Variants in CSMD1 observed in about 807,000 individuals in gnomAD.
CSMD1 encodes CUB and sushi domain-containing protein 1.
A neutral mutation model predicts 417.5 loss-of-function variants in CSMD1; 213 were observed. That is an observed-to-expected ratio of 0.51 (90% CI 0.46 to 0.57). CSMD1 has a LOEUF of 0.57. Among genes scored for constraint, CSMD1 ranks in the 20% least tolerant of loss-of-function variants. The pLI is 0.00. For missense variants in CSMD1, 6,923 were observed against 4,529.7 expected, an observed-to-expected ratio of 1.53 and a Z score of -15.17; for synonymous variants, 2,862 against 1,736.8, an observed-to-expected ratio of 1.65 and a Z score of -16.11.
At chr8:3,094,840 A>G (rs1158380061) in intron 47 of CSMD1, among the ~76,000 whole-genome samples, 1 of 151,920 alleles carries the variant, frequency 6.6e-6, no homozygotes, top group Non-Finnish European at 1.5e-5. Flanking sequence ...AAAGAGACAG[A>G]AAGATATGAA....
At chr8:3,754,279 A>G (rs1797531656) in intron 5 of CSMD1, among the ~76,000 whole-genome samples, 1 of 152,158 alleles carries the variant, frequency 6.6e-6, no homozygotes, top group Non-Finnish European at 1.5e-5. Flanking sequence ...TGATACTTTC[A>G]TTCTCCTTTA....
At position 4,193,816 on chromosome 8, in the gene CSMD1, G is replaced by C. The variant is rs112783793; in HGVS notation, c.416-161717C>G. ...GAAGGATGCTATGGCGAGAAGAGCAGGAAAACAGAATACAGTTCAGCCGTG... is the reference window on the plus strand; with the variant it reads ...GAAGGATGCTATGGCGAGAAGAGCACGAAAACAGAATACAGTTCAGCCGTG... On this transcript the variant is annotated intron_variant, in intron 3 of 69. Coordinates refer to ENST00000635120, the MANE Select transcript of CSMD1 (RefSeq NM_033225.6). Among the ~76,000 whole-genome samples the C allele has an allele frequency of 4.3e-3, 647 of 152,118 alleles. 1 individual carries two copies. The highest frequency in any genetic ancestry group is 0.01 in the Middle Eastern group (3 of 294).
At chr8:3,589,433 C>G (rs1289185003) in intron 8 of CSMD1, among the ~76,000 whole-genome samples, 1 of 151,684 alleles carries the variant, frequency 6.6e-6, no homozygotes, top group African/African-American at 2.4e-5. Flanking sequence ...CAATGGAATA[C>G]TATTCAGCCT....
At chr8:3,517,358 A>G (rs1241037159) in intron 10 of CSMD1, among the ~76,000 whole-genome samples, 1 of 152,204 alleles carries the variant, frequency 6.6e-6, no homozygotes, top group East Asian at 1.9e-4. Context: ...GCAAAACTAT[A>G]GTGGTGTTAT....
chr8:4,631,582 T>C (rs1376055707), intron 2 of CSMD1, among the ~76,000 whole-genome samples: 2 of 152,206 alleles, frequency 1.3e-5, no homozygotes, highest in Non-Finnish European at 2.9e-5. Flanking sequence ...TCACCAGATA[T>C]ATTTTATGTT....
At chr8:3,303,279 A>G (rs1299528038) in intron 25 of CSMD1, among the ~76,000 whole-genome samples, 1 of 152,114 alleles carries the variant, frequency 6.6e-6, no homozygotes, top group Non-Finnish European at 1.5e-5. Flanking sequence ...TGTATTTCCT[A>G]CTGGGATCTG....
At chr8:4,177,344 G>C (rs1002915571) in intron 3 of CSMD1, among the ~76,000 whole-genome samples, 1 of 151,902 alleles carries the variant, frequency 6.6e-6, no homozygotes, top group Non-Finnish European at 1.5e-5. Context: ...GGTACATAAC[G>C]AAATGACGGC....
chr8:4,355,216 C>A (rs942952196), intron 3 of CSMD1, among the ~76,000 whole-genome samples: 4 of 151,776 alleles, frequency 2.6e-5, no homozygotes, highest in African/African-American at 7.3e-5. Context: ...GATCCGAGAT[C>A]GCGCCACTGC....
At chr8:3,636,275 C>T (rs1227351485) in intron 7 of CSMD1, among the ~76,000 whole-genome samples, 1 of 152,174 alleles carries the variant, frequency 6.6e-6, no homozygotes, top group African/African-American at 2.4e-5. Flanking sequence ...TCTGGAATCC[C>T]TCCTGAAGGC....
intron 30 of CSMD1, among the ~76,000 whole-genome samples, chr8:3,209,272 T>G (rs1797467172): frequency 7.9e-6 from 1 of 126,900 alleles, no homozygotes; most frequent in Non-Finnish European, 1.6e-5. Flanking sequence ...GGATAGAATT[T>G]TTATTTATTT....
intron 5 of CSMD1, 22 bp from the exon 6 acceptor site, chr8:3,754,064 A>C: frequency 6.5e-7 from 1 of 1,540,840 alleles, no homozygotes; most frequent in Non-Finnish European, 9.0e-7. Context: ...AAAGAGGAAA[A>C]AAATCTCCCT....
intron 26 of CSMD1, among the ~76,000 whole-genome samples, chr8:3,270,800 G>C (rs1046505499): frequency 6.6e-6 from 1 of 152,182 alleles, no homozygotes; most frequent in African/African-American, 2.4e-5. Context: ...ACATACCCAA[G>C]ACTGGGTAAT....
At chr8:3,323,060 C>T (rs1806258845) in intron 23 of CSMD1, among the ~76,000 whole-genome samples, 1 of 152,170 alleles carries the variant, frequency 6.6e-6, no homozygotes, top group Non-Finnish European at 1.5e-5. Context: ...TCATCACTGT[C>T]CTATAAATTA....
intron 3 of CSMD1, among the ~76,000 whole-genome samples, chr8:4,232,809 G>A (rs965775628): frequency 4.6e-5 from 7 of 152,096 alleles, no homozygotes; most frequent in African/African-American, 1.2e-4. Flanking sequence ...CAGGTGCCTC[G>A]AAATCTAAAA....
chr8:4,909,082 G>A (rs749502788), intron 1 of CSMD1, among the ~76,000 whole-genome samples: 1 of 152,196 alleles, frequency 6.6e-6, no homozygotes, highest in Non-Finnish European at 1.5e-5. Flanking sequence ...CGGACTAGGA[G>A]TTGGATTATG....
At chr8:3,484,549 A>T (rs889161931) in intron 11 of CSMD1, among the ~76,000 whole-genome samples, 1 of 152,250 alleles carries the variant, frequency 6.6e-6, no homozygotes, top group Non-Finnish European at 1.5e-5. Context: ...TAGAGTTGAC[A>T]GCAAAAGCAC....
intron 5 of CSMD1, among the ~76,000 whole-genome samples, chr8:3,865,932 T>C (rs921114795): frequency 1.3e-5 from 2 of 152,200 alleles, no homozygotes; most frequent in East Asian, 3.9e-4. Context: ...ACTCCTCATG[T>C]TTCCCTCGTG....
chr8:4,119,699 G>C lies in CSMD1; in HGVS notation c.416-87600C>G, dbSNP rs139738811. Among the ~76,000 whole-genome samples, 566 of 152,334 alleles carry C rather than the reference G, an allele frequency of 3.7e-3. 4 individuals carry two copies. The highest frequency in any genetic ancestry group is 0.013 in the African/African-American group (540 of 41,568). ...GGAAGAGAGTCCTCCCAGAACCACA[G>C]TGGGCTGGCAGTCTGATCACAAACT... On this transcript the variant is annotated intron_variant, in intron 3 of 69. Coordinates refer to ENST00000635120, the MANE Select transcript of CSMD1 (RefSeq NM_033225.6).
chr8:4,053,335 C>G (rs1427547397), intron 3 of CSMD1, among the ~76,000 whole-genome samples: 2 of 152,066 alleles, frequency 1.3e-5, no homozygotes, highest in African/African-American at 4.8e-5. Flanking sequence ...TCAGACTGAC[C>G]TTTAGTTAGT....
Sources: gnomAD v4.1 joint callset for allele counts (sites outside exome capture counted in the v4.1 genomes callset) on GRCh38, gnomAD v4.1.1 for gene constraint, MANE v1.5 for transcripts, NCBI Gene and HGNC (gene_info 2026-07-23, HGNC 2026-07-21) for gene names.